The following KAT7 variants were observed in gnomAD, a reference collection of about 807,000 sequenced individuals.
The protein encoded by KAT7 is histone acetyltransferase KAT7.
A neutral mutation model predicts 82.1 loss-of-function variants in KAT7; 10 were observed. That is an observed-to-expected ratio of 0.12 (90% CI 0.08 to 0.21). The LOEUF (loss-of-function observed/expected upper bound fraction) is 0.21. Among genes scored for constraint, KAT7 ranks in the 10% least tolerant of loss-of-function variants. The probability of loss-of-function intolerance (pLI) is 1.00; values close to 1 mark genes in which losing one functional copy is unlikely to be tolerated. For missense variants in KAT7, 378 were observed against 760.9 expected (o/e 0.50, Z 5.92); for synonymous variants, 250 against 262.5 (o/e 0.95, Z 0.46).
intron 2 of KAT7, among the ~76,000 whole-genome samples, chr17:49,792,987 GT>G (rs1442649201): frequency 1.3e-5 from 2 of 151,790 alleles, no homozygotes; most frequent in Non-Finnish European, 2.9e-5. Context: ...AGTTTTCTTT[GT>G]TTTTTGTAGA....
intron 8 of KAT7, among the ~76,000 whole-genome samples, chr17:49,816,582 C>T (rs1263526287): frequency 6.6e-6 from 1 of 152,082 alleles, no homozygotes; most frequent in African/African-American, 2.4e-5. Context: ...CCCCCTTCCC[C>T]CTTGTATTAA....
chr17:49,825,676 T>C (rs1360766660), intron 12 of KAT7, among the ~76,000 whole-genome samples: 3 of 152,252 alleles, frequency 2.0e-5, no homozygotes, highest in Non-Finnish European at 4.4e-5. Context: ...AACTGTAGCA[T>C]AGATATGTGT....
At chr17:49,790,215 A>C (rs1333269628) in intron 1 of KAT7, among the ~76,000 whole-genome samples, 1 of 151,912 alleles carries the variant, frequency 6.6e-6, no homozygotes, top group Non-Finnish European at 1.5e-5. Context: ...TTTGTTTTTG[A>C]GACGAGGTTT....
intron 3 of KAT7, among the ~76,000 whole-genome samples, chr17:49,797,732 G>A (rs1026057805): frequency 3.9e-5 from 6 of 152,178 alleles, no homozygotes; most frequent in Admixed American, 6.5e-5. Context: ...AACACTGGGC[G>A]GCCAATCACC....
chr17:49,817,019 A>G (rs2074243260), intron 8 of KAT7, among the ~76,000 whole-genome samples: 1 of 152,064 alleles, frequency 6.6e-6, no homozygotes, highest in African/African-American at 2.4e-5. Flanking sequence ...TAGAATTATC[A>G]TGCACATTTC....
intron 5 of KAT7, 127 bp from the exon 6 acceptor site, chr17:49,808,992 A>G (rs543764980): frequency 1.2e-5 from 8 of 659,290 alleles, no homozygotes; most frequent in South Asian, 9.5e-5. Flanking sequence ...GATTGTGACA[A>G]TAAGTGTGAA....
intron 7 of KAT7, among the ~76,000 whole-genome samples, chr17:49,814,538 A>T (rs1483920174): frequency 6.6e-6 from 1 of 152,226 alleles, no homozygotes; most frequent in Non-Finnish European, 1.5e-5. Context: ...TATACAGGAA[A>T]ACTAAGACTG....
chr17:49,809,037 G>T, intron 5 of KAT7, 82 bp from the exon 6 acceptor site: 1 of 1,026,744 alleles, frequency 9.7e-7, no homozygotes, highest in South Asian at 1.4e-5. Flanking sequence ...ATAAATCCAA[G>T]GCATTATCAT....
chr17:49,800,856 G>A (rs1056150618), intron 4 of KAT7, among the ~76,000 whole-genome samples: 1 of 152,140 alleles, frequency 6.6e-6, no homozygotes, highest in African/African-American at 2.4e-5. Flanking sequence ...ATACATATGT[G>A]TATGTATATG....
At chr17:49,789,170 G>A (rs1123339) in intron 1 of KAT7, 12,901 of 252,458 alleles carry the variant, frequency 0.051, 886 homozygotes, top group African/African-American at 0.17. Flanking sequence ...CCGCGTGCGG[G>A]GGCGGTGTCT....
rs1010209887 is a variant in KAT7, at chr17:49,834,573, A to G, written c.*7071A>G. 1 of 152,218 alleles carries G rather than the reference A, an allele frequency of 6.6e-6. No individual in the cohort carries two copies. Among genetic ancestry groups the G allele is most frequent in the African/African-American group, 2.4e-5 (1 of 41,452 alleles). 9.4% of individuals were successfully genotyped at this position (152,218 alleles called of 1,614,324 possible). A position where few individuals can be genotyped will look rare whatever the true frequency, so the allele number is the denominator to read the frequency against. ...CTTTCCGTAAGCTGACTCAACCTAC[A>G]TAGCTTTCATCATTCCCTTACACAT... On this transcript the variant is annotated 3_prime_UTR_variant, in exon 15 of 15. Coordinates refer to ENST00000259021, the MANE Select transcript of KAT7 (RefSeq NM_007067.5).
chr17:49,793,332 T>C (rs1345274629), intron 2 of KAT7, among the ~76,000 whole-genome samples: 1 of 152,142 alleles, frequency 6.6e-6, no homozygotes, highest in Non-Finnish European at 1.5e-5. Flanking sequence ...GAATTTTGCT[T>C]TGGTAATAAG....
At chr17:49,810,672 A>G (rs772770814) in intron 6 of KAT7, among the ~76,000 whole-genome samples, 10 of 152,198 alleles carry the variant, frequency 6.6e-5, no homozygotes, top group Non-Finnish European at 7.3e-5. Flanking sequence ...CATTCTATAA[A>G]TGATTAGTTG....
At chr17:49,790,154 C>T (rs2073867212) in intron 1 of KAT7, among the ~76,000 whole-genome samples, 1 of 152,068 alleles carries the variant, frequency 6.6e-6, no homozygotes, top group Non-Finnish European at 1.5e-5. Flanking sequence ...TTTTTAATGT[C>T]TCCTAAAATG....
At chr17:49,818,170 G>T (rs1409598805) in intron 9 of KAT7, among the ~76,000 whole-genome samples, 159 bp downstream of exon 9, 1 of 152,180 alleles carries the variant, frequency 6.6e-6, no homozygotes, top group Admixed American at 6.5e-5. Flanking sequence ...TTAAGGCGGG[G>T]TATAGAGCCT....
chr17:49,819,701 C>T (rs1367362927), intron 9 of KAT7, among the ~76,000 whole-genome samples: 1 of 152,072 alleles, frequency 6.6e-6, no homozygotes, highest in Non-Finnish European at 1.5e-5. Flanking sequence ...GTTCTTATTC[C>T]CGTTGCTTCA....
At chr17:49,790,475 G>T (rs981157129) in intron 1 of KAT7, among the ~76,000 whole-genome samples, 4 of 152,164 alleles carry the variant, frequency 2.6e-5, no homozygotes, top group Admixed American at 6.5e-5. Flanking sequence ...GGGATTACAG[G>T]CATGAGCCAC....
Position 49,821,796 on chromosome 17 carries a change from C to T in KAT7, c.1386+6C>T, listed in dbSNP as rs755004909. 2.5e-5 allele frequency: 40 copies of T among 1,613,544 alleles called. No homozygotes were observed. In the East Asian group the frequency reaches 8.2e-4, roughly 33 times the overall value. ...TGATTGGATATTTTTCTAAGGTAAG[C>T]AGGATCTGGAGATTAAGAAGCCAAT... is the stretch of plus-strand genomic sequence containing the variant. On this transcript the variant is annotated splice_donor_region_variant and intron_variant, in intron 11 of 14. Transcript: ENST00000259021.
In KAT7 at chr17:49,817,955, A is replaced by G. The variant is rs1192486749; in HGVS notation, c.1099A>G (p.Met367Val). 1 of 1,613,646 alleles carries G rather than the reference A, an allele frequency of 6.2e-7. No homozygotes were observed. The highest frequency in any genetic ancestry group is 1.3e-5 in the African/African-American group (1 of 74,884). ...ATATGCACGGCTGGGACGTCTCTAT[A>G]TGTGTGAATTCTGTTTAAAATATAT... ...EEYARLGRLYMCEFCLKYMKS... is the reference protein window; with the variant it reads ...EEYARLGRLYVCEFCLKYMKS... Residue 367 changes from methionine to valine, a missense_variant, in exon 9 of 15, where the codon ATG (methionine) becomes GTG (valine). Physicochemically the swap from Met to Val is conservative, Grantham distance 21 (BLOSUM62 1). Transcript: ENST00000259021.
Sources: gnomAD v4.1 joint callset for allele counts (sites outside exome capture counted in the v4.1 genomes callset) on GRCh38, gnomAD v4.1.1 for gene constraint, MANE v1.5 for transcripts, NCBI Gene and HGNC (gene_info 2026-07-23, HGNC 2026-07-21) for gene names.